CCDC144A: variants seen among roughly 807,000 people sequenced by gnomAD.
The protein encoded by CCDC144A is coiled-coil domain-containing protein 144A.
Under a neutral mutation model 143.8 loss-of-function variants are expected in CCDC144A, and 41 were observed. The observed-to-expected ratio is 0.29, with a 90% CI of 0.22 to 0.37. CCDC144A has a LOEUF of 0.37. Ranked by LOEUF, CCDC144A falls within the 10% of genes least tolerant of loss-of-function variation. The probability of loss-of-function intolerance (pLI) is 1.00; values close to 1 mark genes in which losing one functional copy is unlikely to be tolerated. For missense variants in CCDC144A, 637 were observed against 1,488.8 expected (o/e 0.43, Z 9.41); for synonymous variants, 242 against 517.9 (o/e 0.47, Z 7.23).
chr17:16,710,900 A>G (rs868693954), intron 5 of CCDC144A, among the ~76,000 whole-genome samples: 3 of 150,536 alleles, frequency 2.0e-5, no homozygotes, highest in Admixed American at 1.3e-4. Context: ...CTTTGGATCA[A>G]TCATTTTAAT....
At chr17:16,699,475 A>G (rs1382503337) in intron 2 of CCDC144A, among the ~76,000 whole-genome samples, 2 of 109,644 alleles carry the variant, frequency 1.8e-5, no homozygotes, top group African/African-American at 7.5e-5. Flanking sequence ...TCCCGGGTTC[A>G]CACCATTCTC....
chr17:16,685,219 G>A (rs1910737550), upstream of CCDC144A, among the ~76,000 whole-genome samples: 1 of 152,112 alleles, frequency 6.6e-6, no homozygotes, highest in Admixed American at 6.6e-5. Context: ...TAGCGATGGG[G>A]TTTTGTCATG....
At position 16,767,905 on chromosome 17, in the gene CCDC144A, A is replaced by G. The variant is rs543338951; in HGVS notation, c.4098+3730A>G. The stretch of plus-strand genomic sequence containing the variant: ...AGACCAAACTGAGAGTCGGGCTGCT[A>G]TTTATCATGGTCCAGTAATGAGATG... On this transcript the variant is annotated intron_variant, in intron 15 of 16. Transcript: ENST00000399273. Among the ~76,000 whole-genome samples the G allele has an allele frequency of 6.8e-3, 1,040 of 152,334 alleles. 12 individuals are homozygous for G. Among genetic ancestry groups the G allele is most frequent in the African/African-American group, 0.024 (991 of 41,560 alleles).
At chr17:16,719,895 A>G (rs1264165598) in intron 6 of CCDC144A, among the ~76,000 whole-genome samples, 3 of 152,200 alleles carry the variant, frequency 2.0e-5, no homozygotes, top group Non-Finnish European at 4.4e-5. Flanking sequence ...CACGTAATGC[A>G]GGTAACATGT....
upstream of CCDC144A, among the ~76,000 whole-genome samples, chr17:16,685,295 G>C (rs1280003209): frequency 1.3e-5 from 2 of 152,136 alleles, no homozygotes; most frequent in Non-Finnish European, 1.5e-5. Flanking sequence ...TCAAAGTGCT[G>C]GGATTACATT....
the CCDC144A span, among the ~76,000 whole-genome samples, chr17:16,671,853 CAT>C: frequency 2.0e-5 from 3 of 152,028 alleles, no homozygotes; most frequent in South Asian, 2.1e-4. Context: ...TATGTATTAA[CAT>C]ATGTTATCTT....
chr17:16,757,113 G>C (rs1293813148), intron 12 of CCDC144A, among the ~76,000 whole-genome samples: 3 of 152,282 alleles, frequency 2.0e-5, no homozygotes, highest in Non-Finnish European at 4.4e-5. Flanking sequence ...GCCTCCAGGT[G>C]GTGTGTGCTG....
chr17:16,711,153 A>AC (rs1238595317), intron 5 of CCDC144A, among the ~76,000 whole-genome samples: 2 of 138,928 alleles, frequency 1.4e-5, no homozygotes, highest in Non-Finnish European at 1.6e-5. Flanking sequence ...AAAAAAAAAA[A>AC]AAAAACAAAA....
chr17:16,756,312 A>C (rs1016196212), intron 12 of CCDC144A, among the ~76,000 whole-genome samples: 96 of 151,832 alleles, frequency 6.3e-4, no homozygotes, highest in African/African-American at 2.3e-3. Flanking sequence ...TATTTTTTTT[A>C]TTTTTGCTTT....
the CCDC144A span, among the ~76,000 whole-genome samples, chr17:16,679,058 C>CT: frequency 2.0e-5 from 3 of 148,302 alleles, no homozygotes; most frequent in Non-Finnish European, 3.0e-5. Context: ...CCTGCATTGT[C>CT]TTTTTTTGTT....
At chr17:16,717,356 C>T (rs1265795794) in intron 6 of CCDC144A, among the ~76,000 whole-genome samples, 3 of 152,112 alleles carry the variant, frequency 2.0e-5, no homozygotes, top group South Asian at 2.1e-4. Flanking sequence ...ATGATCCGCC[C>T]GCCTCAGCCT....
intron 9 of CCDC144A, among the ~76,000 whole-genome samples, chr17:16,729,485 T>C (rs939207193): frequency 1.3e-5 from 2 of 152,238 alleles, no homozygotes; most frequent in Non-Finnish European, 2.9e-5. Context: ...ATGCATAGTT[T>C]GCAAATATTT....
intron 12 of CCDC144A, among the ~76,000 whole-genome samples, chr17:16,747,815 A>G (rs1365890215): frequency 6.6e-6 from 1 of 151,516 alleles, no homozygotes; most frequent in Non-Finnish European, 1.5e-5. Flanking sequence ...CAGTTCCAGG[A>G]TAAATTGGCA....
At position 16,746,823 on chromosome 17, in the gene CCDC144A, C is replaced by T. The variant is rs1206191389; in HGVS notation, c.3372+11180C>T. 1.4e-5 allele frequency: 16 copies of T among 1,169,476 alleles called. No homozygotes were observed. The East Asian group carries it at 4.1e-4, about 30-fold the overall frequency. The allele number at this position is 1,169,476 out of a possible 1,614,324, so 72.4% of individuals were successfully genotyped here. A position where few individuals can be genotyped will look rare whatever the true frequency, so the allele number is the denominator to read the frequency against. On this transcript the variant is annotated intron_variant, in intron 12 of 16. Coordinates refer to ENST00000399273, the MANE Select transcript of CCDC144A (RefSeq NM_001382000.1). ...CGTGGACAAGGAGCTCAAAAGGCAC[C>T]GCGTACCGCGCTGGGAGGCCCGGCC...
Position 16,709,614 on chromosome 17 carries a change from A to T in CCDC144A, c.1557A>T (p.Glu519Asp). 6.2e-7 allele frequency: 1 copy of T among 1,611,478 alleles called. No individual in the cohort carries two copies. The highest frequency in any genetic ancestry group is 2.2e-5 in the East Asian group (1 of 44,798). ...LEEEFLALKKEDVQLHKDVEE... is the reference protein window; with the variant it reads ...LEEEFLALKKDDVQLHKDVEE... ...AAGAGTTCCTGGCTTTGAAGAAAGAAGATGTTCAACTTCATAAAGATGTAG... is the reference window on the plus strand; with the variant it reads ...AAGAGTTCCTGGCTTTGAAGAAAGATGATGTTCAACTTCATAAAGATGTAG... The change falls in exon 5 of 17, where the codon GAA (glutamate) becomes GAT (aspartate). Residue 519 changes from glutamate to aspartate, a missense_variant. Glu to Asp is a conservative substitution (Grantham distance 45, BLOSUM62 2). Transcript: ENST00000399273.
chr17:16,680,009 G>C, the CCDC144A span, among the ~76,000 whole-genome samples: 1 of 151,970 alleles, frequency 6.6e-6, no homozygotes, highest in Non-Finnish European at 1.5e-5. Context: ...AGAAGAAATT[G>C]AAAATATCTA....
the CCDC144A span, among the ~76,000 whole-genome samples, chr17:16,672,835 C>T: frequency 6.6e-6 from 1 of 152,028 alleles, no homozygotes; most frequent in Non-Finnish European, 1.5e-5. Context: ...TTGTCTATCA[C>T]CATTGTGTCA....
chr17:16,700,980 C>T (rs193154696), intron 2 of CCDC144A, among the ~76,000 whole-genome samples: 28 of 151,192 alleles, frequency 1.9e-4, no homozygotes, highest in Admixed American at 9.2e-4. Flanking sequence ...GAAATAAGAT[C>T]AGATATTCAA....
intron 12 of CCDC144A, among the ~76,000 whole-genome samples, chr17:16,741,583 T>C (rs1914258032): frequency 6.6e-6 from 1 of 152,200 alleles, no homozygotes; most frequent in Non-Finnish European, 1.5e-5. Flanking sequence ...ATAGTCTGTA[T>C]ATAGGATGAA....
Sources: allele counts gnomAD v4.1 joint callset (sites outside exome capture counted in the v4.1 genomes callset), GRCh38; gene constraint gnomAD v4.1.1; transcripts MANE v1.5; gene names NCBI Gene and HGNC (gene_info 2026-07-23, HGNC 2026-07-21).